Variants in DOCK10 observed in about 807,000 individuals in gnomAD.
The protein encoded by DOCK10 is dedicator of cytokinesis protein 10.
In DOCK10, 145 loss-of-function variants were observed where a neutral mutation model predicts 280.1. The ratio of observed to expected loss-of-function variants is 0.52; its 90% CI spans 0.45 to 0.59. DOCK10 has a LOEUF of 0.59. Among genes scored for constraint, DOCK10 ranks in the 20% least tolerant of loss-of-function variants. DOCK10 has a pLI of 0.00. For synonymous variants in DOCK10, 915 were observed against 942.2 expected (o/e 0.97, Z 0.53); for missense variants, 2,368 against 2,651.7 (o/e 0.89, Z 2.35).
chr2:224,994,389 G>C (rs1421806744), intron 1 of DOCK10, among the ~76,000 whole-genome samples: 1 of 152,150 alleles, frequency 6.6e-6, no homozygotes, highest in African/African-American at 2.4e-5. Flanking sequence ...ATGTATAAAA[G>C]GTTTAGCATG....
At chr2:224,909,235 CT>C (rs1227651224) in intron 3 of DOCK10, among the ~76,000 whole-genome samples, 3 of 152,214 alleles carry the variant, frequency 2.0e-5, no homozygotes, top group African/African-American at 7.2e-5. Flanking sequence ...AATTGCCCCC[CT>C]CTCCTCCTCA....
At chr2:224,978,337 G>A (rs1325846836) in intron 1 of DOCK10, among the ~76,000 whole-genome samples, 2 of 152,162 alleles carry the variant, frequency 1.3e-5, no homozygotes, top group Non-Finnish European at 2.9e-5. Context: ...GGAGGCTGAG[G>A]CAGAAGAATC....
chr2:224,768,445 GT>G (rs893245531), intron 55 of DOCK10, among the ~76,000 whole-genome samples: 1 of 152,136 alleles, frequency 6.6e-6, no homozygotes, highest in African/African-American at 2.4e-5. Context: ...CAATCCATCA[GT>G]TTCTTTTCTT....
intron 27 of DOCK10, among the ~76,000 whole-genome samples, chr2:224,824,978 AT>A (rs10563888): frequency 0.16 from 20,150 of 126,814 alleles, 1,968 homozygotes; most frequent in African/African-American, 0.32. Context: ...GCTGGCTTCT[AT>A]TTTTTTTTTT....
intron 1 of DOCK10, among the ~76,000 whole-genome samples, chr2:224,946,177 C>T (rs983293817): frequency 1.3e-5 from 2 of 152,172 alleles, no homozygotes; most frequent in Non-Finnish European, 2.9e-5. Context: ...CTGTAAAGTT[C>T]TATACATTCT....
At chr2:224,918,254 T>C (rs1334646816) in intron 2 of DOCK10, among the ~76,000 whole-genome samples, 1 of 152,186 alleles carries the variant, frequency 6.6e-6, no homozygotes, top group African/African-American at 2.4e-5. Context: ...AATGATTCTT[T>C]GTTGAATTTA....
At chr2:224,971,291 G>A (rs559743205) in intron 1 of DOCK10, among the ~76,000 whole-genome samples, 2 of 152,244 alleles carry the variant, frequency 1.3e-5, no homozygotes, top group East Asian at 3.9e-4. Context: ...AAGGTGCAGT[G>A]GGAAGAGGGT....
At chr2:224,851,614 T>C (rs1204183687) in intron 18 of DOCK10, among the ~76,000 whole-genome samples, 1 of 152,040 alleles carries the variant, frequency 6.6e-6, no homozygotes, top group African/African-American at 2.4e-5. Context: ...CCACAGAGAA[T>C]GGTGGGGGTT....
intron 44 of DOCK10, among the ~76,000 whole-genome samples, chr2:224,796,043 A>C (rs1692549205): frequency 1.3e-5 from 2 of 151,144 alleles, no homozygotes; most frequent in African/African-American, 4.9e-5. Flanking sequence ...AAACAAAATA[A>C]ACAATTATTA....
Position 224,830,584 on chromosome 2 carries a change from A to G in DOCK10, c.2993T>C (p.Leu998Pro). ...AATCAAGTGCTGTGCCATCGATTTTAGGATAATTGCAAAGAAGAACCAGGA... is the reference window on the plus strand; with the variant it reads ...AATCAAGTGCTGTGCCATCGATTTTGGGATAATTGCAAAGAAGAACCAGGA... ...KHSWFFFAII[L>P]KSMAQHLIDT... The change falls in exon 27 of 56, where the codon CTA becomes CCA. Residue 998 changes from leucine to proline, a missense_variant. Physicochemically the swap from Leu to Pro is moderately conservative, Grantham distance 98. Coordinates refer to ENST00000258390, the MANE Select transcript of DOCK10 (RefSeq NM_014689.3). 1 of 1,538,876 alleles carries G rather than the reference A, an allele frequency of 6.5e-7. No homozygotes were observed.
chr2:225,006,526 T>C lies in DOCK10; in HGVS notation c.123+35726A>G, dbSNP rs535771650. Among the ~76,000 whole-genome samples, 8 of 152,292 alleles carry C rather than the reference T, an allele frequency of 5.3e-5. No individual in the cohort carries two copies. In the South Asian group the frequency reaches 1.2e-3, roughly 24 times the overall value. ...TCTCAATGCTTCCAATCAAAATCCT[T>C]CATTTTTCAAAGACCAGTTCAAAGA... On this transcript the variant is annotated intron_variant, in intron 1 of 55. Transcript: ENST00000258390.
At chr2:224,921,832 G>A (rs1180337683) in intron 2 of DOCK10, among the ~76,000 whole-genome samples, 3 of 152,116 alleles carry the variant, frequency 2.0e-5, no homozygotes, top group Non-Finnish European at 4.4e-5. Context: ...AGGCGCTGTG[G>A]CTCATGCCTA....
At chr2:224,989,146 T>C (rs1706060542) in intron 1 of DOCK10, among the ~76,000 whole-genome samples, 1 of 152,216 alleles carries the variant, frequency 6.6e-6, no homozygotes, top group Admixed American at 6.5e-5. Flanking sequence ...ATGTCGCTGC[T>C]GCAGAGGGAA....
In DOCK10 at chr2:224,770,910, T is replaced by C. The variant is rs1690396776; in HGVS notation, c.6205-265A>G. On this transcript the variant is annotated intron_variant, in intron 53 of 55. Transcript: ENST00000258390. This position sits in a 1 kb window ranked among gnomAD's most constrained non-coding sequence, Gnocchi z 4.5. ...ACATTTTTTTTTTTTGTCATATCTGTACGTTGCTTGAACTACTATTTTTTT... is the reference window on the plus strand; with the variant it reads ...ACATTTTTTTTTTTTGTCATATCTGCACGTTGCTTGAACTACTATTTTTTT... Among the ~76,000 whole-genome samples the C allele has an allele frequency of 6.6e-6, 1 of 152,036 alleles. No homozygotes were observed. Among genetic ancestry groups the C allele is most frequent in the African/African-American group, 2.4e-5 (1 of 41,394 alleles).
chr2:224,865,079 AG>A lies in DOCK10; in HGVS notation c.1265del (p.Pro422LeufsTer4). 6.2e-7 allele frequency: 1 copy of A among 1,613,410 alleles called. No homozygotes were observed. The highest frequency in any genetic ancestry group is 8.5e-7 in the Non-Finnish European group (1 of 1,179,758). ...CATAAAGTGCCACACTCACAAAAAA[AG>A]GCTCAATCTGCATGAAAAAGAAAGA... is the stretch of plus-strand genomic sequence containing the variant. The part of the protein sequence containing the change: ...NENDPITNIE[P>X]FFVSVALYDL... On this transcript the variant is annotated frameshift_variant, in exon 12 of 56. Coordinates refer to ENST00000258390, the MANE Select transcript of DOCK10 (RefSeq NM_014689.3). LOFTEE classifies it high-confidence loss of function.
At chr2:224,978,660 A>T (rs916112662) in intron 1 of DOCK10, among the ~76,000 whole-genome samples, 4 of 152,172 alleles carry the variant, frequency 2.6e-5, no homozygotes, top group African/African-American at 9.7e-5. Context: ...ATACACTATA[A>T]ATATTATAGG....
chr2:224,814,367 G>T lies in DOCK10; in HGVS notation c.3365-3C>A. 1 of 1,517,096 alleles carries T rather than the reference G, an allele frequency of 6.6e-7. No individual in the cohort carries two copies. Among genetic ancestry groups the T allele is most frequent in the South Asian group, 1.3e-5 (1 of 79,490 alleles). The allele number at this position is 1,517,096 out of a possible 1,614,324, so 94.0% of individuals were successfully genotyped here. A position where few individuals can be genotyped will look rare whatever the true frequency, so the allele number is the denominator to read the frequency against. ...CGATTCTGAAGGTGTCAAAGGATCT[G>T]AATTTAATATAAATAAAAAGTTCAG... On this transcript the variant is annotated splice_region_variant and splice_polypyrimidine_tract_variant and intron_variant, in intron 30 of 55. Transcript: ENST00000258390.
chr2:224,954,000 C>G (rs1036725438), intron 1 of DOCK10, among the ~76,000 whole-genome samples: 1 of 151,954 alleles, frequency 6.6e-6, no homozygotes, highest in African/African-American at 2.4e-5. Context: ...CTGTGTATGT[C>G]TGTACAGGTA....
intron 25 of DOCK10, 99 bp from the exon 26 acceptor site, chr2:224,834,362 T>C (rs10177782): frequency 0.12 from 85,634 of 734,352 alleles, 7,053 homozygotes; most frequent in African/African-American, 0.36. Flanking sequence ...AATTATCTGC[T>C]CATGCCAGAT....
Sources: allele counts gnomAD v4.1 joint callset (sites outside exome capture counted in the v4.1 genomes callset), GRCh38; gene constraint gnomAD v4.1.1; non-coding constraint Gnocchi (gnomAD v3.1); transcripts MANE v1.5; gene names NCBI Gene and HGNC (gene_info 2026-07-23, HGNC 2026-07-21).